The following MED13L variants were observed in gnomAD, a reference collection of about 807,000 sequenced individuals.
The protein encoded by MED13L is mediator complex subunit 13L.
Under a neutral mutation model 220.9 loss-of-function variants are expected in MED13L, and 7 were observed. The observed-to-expected ratio is 0.03, with a 90% CI of 0.02 to 0.06. The LOEUF (loss-of-function observed/expected upper bound fraction) is 0.06. MED13L is among the 10% of genes least tolerant of loss of function. The probability of loss-of-function intolerance (pLI) is 1.00; values close to 1 mark genes in which losing one functional copy is unlikely to be tolerated. For synonymous variants in MED13L, 1,011 were observed against 1,015.2 expected (o/e 1.00, Z 0.08); for missense variants, 1,965 against 2,760.5 (o/e 0.71, Z 6.46).
chr12:116,211,094 G>A (rs1165014781), intron 2 of MED13L, among the ~76,000 whole-genome samples: 1 of 152,160 alleles, frequency 6.6e-6, no homozygotes, highest in Non-Finnish European at 1.5e-5. Flanking sequence ...CCGCTAGCCA[G>A]AAGAAAACTT....
chr12:116,049,081 A>G (rs1261479384), intron 4 of MED13L, among the ~76,000 whole-genome samples: 1 of 152,230 alleles, frequency 6.6e-6, no homozygotes, highest in Admixed American at 6.5e-5. Flanking sequence ...TCTACTAGAC[A>G]TATGCTGACA....
intron 1 of MED13L, among the ~76,000 whole-genome samples, chr12:116,261,329 C>T (rs1872500033): frequency 6.6e-6 from 1 of 152,038 alleles, no homozygotes. Context: ...AACCCCGTGT[C>T]TCTATAAAAA....
intron 4 of MED13L, among the ~76,000 whole-genome samples, chr12:116,068,699 G>C (rs986281959): frequency 6.6e-6 from 1 of 152,096 alleles, no homozygotes; most frequent in African/African-American, 2.4e-5. Context: ...TTTTCAGAAT[G>C]TCAGTGTTTT....
chr12:116,010,640 G>A (rs1879335418), intron 9 of MED13L, among the ~76,000 whole-genome samples: 1 of 152,104 alleles, frequency 6.6e-6, no homozygotes, highest in South Asian at 2.1e-4. Context: ...CACACTATAT[G>A]GGTGACTGGT....
chr12:116,163,555 G>A (rs368656422), intron 2 of MED13L, among the ~76,000 whole-genome samples: 1 of 151,898 alleles, frequency 6.6e-6, no homozygotes, highest in East Asian at 1.9e-4. Flanking sequence ...AGTAGAGACA[G>A]GGTTTCACCA....
intron 4 of MED13L, among the ~76,000 whole-genome samples, chr12:116,031,752 A>ATG (rs1352617205): frequency 3.2e-5 from 1 of 31,486 alleles, no homozygotes; most frequent in Non-Finnish European, 5.6e-5. Context: ...AAAGAAAAGA[A>ATG]AAGAAAAGAA....
At chr12:116,260,799 C>A (rs1324982755) in intron 1 of MED13L, among the ~76,000 whole-genome samples, 3 of 152,146 alleles carry the variant, frequency 2.0e-5, no homozygotes, top group Non-Finnish European at 4.4e-5. Context: ...AAAAATATCA[C>A]TGATTTGAAA....
intron 4 of MED13L, among the ~76,000 whole-genome samples, chr12:116,069,978 A>G (rs938043777): frequency 1.3e-5 from 2 of 152,228 alleles, no homozygotes; most frequent in Non-Finnish European, 2.9e-5. Context: ...AGCATTTTGG[A>G]TAAAGAGTAC....
chr12:116,046,999 G>A (rs1881878784), intron 4 of MED13L, among the ~76,000 whole-genome samples: 3 of 151,950 alleles, frequency 2.0e-5, no homozygotes, highest in Admixed American at 1.3e-4. Context: ...GAAAGAAAAT[G>A]TCTTCATTTA....
intron 2 of MED13L, among the ~76,000 whole-genome samples, chr12:116,231,546 C>T (rs561349657): frequency 6.6e-6 from 1 of 152,078 alleles, no homozygotes; most frequent in South Asian, 2.1e-4. Context: ...CACAAGCCAT[C>T]TAAAAATGTG....
At chr12:116,084,258 T>C (rs998634858) in intron 4 of MED13L, among the ~76,000 whole-genome samples, 25 of 152,196 alleles carry the variant, frequency 1.6e-4, no homozygotes, top group Non-Finnish European at 3.1e-4. Context: ...ACTTACCTTT[T>C]TGAACCTACA....
At chr12:116,228,340 A>G (rs776745122) in intron 2 of MED13L, among the ~76,000 whole-genome samples, 1 of 152,190 alleles carries the variant, frequency 6.6e-6, no homozygotes, top group South Asian at 2.1e-4. Flanking sequence ...TTCTAGAGAT[A>G]GGGTCTTACT....
intron 4 of MED13L, among the ~76,000 whole-genome samples, chr12:116,028,899 C>T (rs1880557228): frequency 6.6e-6 from 1 of 152,114 alleles, no homozygotes; most frequent in African/African-American, 2.4e-5. Flanking sequence ...TTCACCCTTC[C>T]CTAGAGATTA....
intron 2 of MED13L, among the ~76,000 whole-genome samples, chr12:116,183,492 AAAATATC>A (rs1880666070): frequency 6.6e-6 from 1 of 152,198 alleles, no homozygotes; most frequent in Non-Finnish European, 1.5e-5. Flanking sequence ...ATCTGGTTTT[AAAATATC>A]AAATATCAAA....
At chr12:116,121,065 G>A (rs1366716100) in intron 2 of MED13L, among the ~76,000 whole-genome samples, 4 of 152,054 alleles carry the variant, frequency 2.6e-5, no homozygotes, top group African/African-American at 7.2e-5. Context: ...AACTATTTTG[G>A]CACTAAAGTT....
At chr12:115,993,351 G>A (rs1189499626) in intron 16 of MED13L, among the ~76,000 whole-genome samples, 1 of 151,992 alleles carries the variant, frequency 6.6e-6, no homozygotes, top group African/African-American at 2.4e-5. Flanking sequence ...TATTAATACT[G>A]TACTTAAACT....
At chr12:116,127,983 G>A (rs992846433) in intron 2 of MED13L, among the ~76,000 whole-genome samples, 3 of 152,124 alleles carry the variant, frequency 2.0e-5, no homozygotes, top group African/African-American at 7.2e-5. Context: ...CCAACAAAGT[G>A]AGCTCAAGAC....
chr12:116,054,016 A>G (rs1444662478), intron 4 of MED13L, among the ~76,000 whole-genome samples: 3 of 152,160 alleles, frequency 2.0e-5, no homozygotes, highest in East Asian at 1.9e-4. Context: ...ACTTTACATT[A>G]GAAAGGCTGC....
At chr12:116,260,061 A>G (rs1473936030) in intron 1 of MED13L, among the ~76,000 whole-genome samples, 2 of 152,194 alleles carry the variant, frequency 1.3e-5, no homozygotes, top group East Asian at 1.9e-4. Flanking sequence ...TGGAACATGG[A>G]CAAATGTTTT....
Sources: allele counts gnomAD v4.1 joint callset (sites outside exome capture counted in the v4.1 genomes callset), GRCh38; gene constraint gnomAD v4.1.1; transcripts MANE v1.5; gene names NCBI Gene and HGNC (gene_info 2026-07-23, HGNC 2026-07-21).